Variants in FNBP4 observed in about 807,000 individuals in gnomAD.
The protein encoded by FNBP4 is formin binding protein 4, also known as formin-binding protein 4.
Under a neutral mutation model 119.3 loss-of-function variants are expected in FNBP4, and 34 were observed. The ratio of observed to expected loss-of-function variants is 0.28; its 90% CI spans 0.22 to 0.38. The LOEUF (loss-of-function observed/expected upper bound fraction) is 0.38, where lower values mean the gene tolerates loss of function less well. Ranked by LOEUF, FNBP4 falls within the 10% of genes least tolerant of loss-of-function variation. The pLI is 1.00. For synonymous variants in FNBP4, 462 were observed against 430.6 expected, an observed-to-expected ratio of 1.07 and a Z score of -0.90; for missense variants, 1,112 against 1,228.9, an observed-to-expected ratio of 0.90 and a Z score of 1.42.
At chr11:47,725,763 C>T (rs1036241984) in intron 12 of FNBP4, 74 of 980,644 alleles carry the variant, frequency 7.5e-5, no homozygotes, top group Non-Finnish European at 8.0e-5. Context: ...CCCTCTTTAT[C>T]GTCAATAGGG....
At chr11:47,737,756 T>C (rs1323573391) in intron 8 of FNBP4, among the ~76,000 whole-genome samples, 1 of 151,546 alleles carries the variant, frequency 6.6e-6, no homozygotes, top group Admixed American at 6.6e-5. Context: ...ATAATTTTTT[T>C]TTTTTCTGAG....
chr11:47,756,944 T>C (rs181860693), intron 2 of FNBP4, among the ~76,000 whole-genome samples: 27 of 152,324 alleles, frequency 1.8e-4, no homozygotes, highest in Admixed American at 1.3e-3. Flanking sequence ...CAGTCTATCA[T>C]TGATGGACAT....
chr11:47,742,894 A>T (rs1383015446), intron 8 of FNBP4, among the ~76,000 whole-genome samples: 1 of 152,142 alleles, frequency 6.6e-6, no homozygotes, highest in African/African-American at 2.4e-5. Context: ...CCGTCTCAAA[A>T]AATATAAATA....
At chr11:47,750,740 CAAGT>C (rs995242604) in intron 6 of FNBP4, among the ~76,000 whole-genome samples, 172 bp downstream of exon 6, 3 of 140,330 alleles carry the variant, frequency 2.1e-5, no homozygotes, top group Non-Finnish European at 4.6e-5. Flanking sequence ...AAGAAAAAGT[CAAGT>C]GAGTAACCGC....
chr11:47,747,489 T>C (rs1263682002), intron 6 of FNBP4, among the ~76,000 whole-genome samples: 1 of 152,072 alleles, frequency 6.6e-6, no homozygotes, highest in Non-Finnish European at 1.5e-5. Context: ...GTATTTTTAG[T>C]AGAGACAGGG....
At chr11:47,753,183 A>G in intron 3 of FNBP4, 81 bp from the exon 4 acceptor site, 1 of 1,197,510 alleles carries the variant, frequency 8.4e-7, no homozygotes, top group Non-Finnish European at 1.2e-6. Context: ...CTTTTTAAAA[A>G]TTCTACATGA....
rs930666790 is a variant in FNBP4 at position 47,750,990 on chromosome 11, A to G, written c.832T>C (p.Tyr278His). Reference protein sequence around the residue: ...ETSFVVNTDIYSKEKTISVSS... With the variant: ...ETSFVVNTDIHSKEKTISVSS... ...ACAGAAATCGTTTTCTCCTTAGAAT[A>G]TATGTCTGTATTTACCACAAAACTA... The change falls in exon 6 of 17, where the codon TAT (tyrosine) becomes CAT (histidine). Residue 278 changes from tyrosine (Y) to histidine (H), a missense_variant. This residue lies in a region of FNBP4 where 826 missense variants were observed against 988.8 expected (regional missense o/e 0.84). Coordinates refer to ENST00000263773, the MANE Select transcript of FNBP4 (RefSeq NM_015308.5). 6.2e-6 allele frequency: 10 copies of G among 1,613,922 alleles called. No homozygotes were observed. The African/African-American group carries it at 6.7e-5, about 11-fold the overall frequency.
chr11:47,765,399 G>GAAAAGAAAAGAAAAC, intron 1 of FNBP4, 37 bp from the exon 2 acceptor site: 2 of 1,345,964 alleles, frequency 1.5e-6, no homozygotes, highest in Admixed American at 2.1e-5. Context: ...GAAAAGAAAA[G>GAAAAGAAAAGAAAAC]AAAAGAAAAG....
Position 47,751,274 on chromosome 11 carries a change from G to T in FNBP4, c.654C>A (p.Gly218=). The T allele has an allele frequency of 4.3e-6, 7 of 1,613,760 alleles. No individual in the cohort carries two copies. The highest frequency in any genetic ancestry group is 5.9e-6 in the Non-Finnish European group (7 of 1,179,968). The change falls in exon 5 of 17, where the codon GGC becomes GGA. Residue 218 remains glycine (G), a synonymous_variant. Coordinates refer to ENST00000263773, the MANE Select transcript of FNBP4 (RefSeq NM_015308.5). ...CSLAGVGIEM[G]DWQEVWDENT... ...TCTCATCCCAGACTTCCTGCCAATC[G>T]CCCATCTCAATTCCGACTAGAAGAT...
Position 47,732,652 on chromosome 11 carries a change from G to A in FNBP4, c.1705C>T (p.Arg569Trp), listed in dbSNP as rs1374890464. Residue 569 changes from arginine (R) to tryptophan (W), a missense_variant, in exon 11 of 17, where the codon CGG becomes TGG. By Grantham distance (101) the Arg-to-Trp change is moderately radical (BLOSUM62 -3). Transcript: ENST00000263773. This position sits in a 1 kb window ranked among gnomAD's most constrained non-coding sequence, Gnocchi z 4.2. ...LQTETRIADW[R>W]EGALNGNYLK... ...TAGTTTCCATTAAGAGCCCCTTCCC[G>A]CCAGTCTGCAATTCGAGTCTAGAAT... 2 of 1,614,000 alleles carry A rather than the reference G, an allele frequency of 1.2e-6. No individual in the cohort carries two copies. The highest frequency in any genetic ancestry group is 1.7e-6 in the Non-Finnish European group (2 of 1,179,988).
intron 11 of FNBP4, chr11:47,731,975 T>C: frequency 1.0e-6 from 1 of 995,328 alleles, no homozygotes; most frequent in South Asian, 4.6e-5. Context: ...GGAATTCACA[T>C]TTCATATTCT....
intron 8 of FNBP4, among the ~76,000 whole-genome samples, chr11:47,741,998 C>T (rs1049255132): frequency 6.6e-6 from 1 of 152,068 alleles, no homozygotes; most frequent in African/African-American, 2.4e-5. Context: ...CTACACCACT[C>T]AGTTTTAACC....
intron 14 of FNBP4, among the ~76,000 whole-genome samples, chr11:47,723,583 CAG>C (rs1409286359): frequency 6.6e-6 from 1 of 152,114 alleles, no homozygotes; most frequent in Non-Finnish European, 1.5e-5. Flanking sequence ...GTTTTTGAGA[CAG>C]AGTTTTGCTC....
At chr11:47,755,830 A>G (rs2097616493) in intron 2 of FNBP4, among the ~76,000 whole-genome samples, 1 of 152,090 alleles carries the variant, frequency 6.6e-6, no homozygotes, top group Non-Finnish European at 1.5e-5. Context: ...ATCGAGAACA[A>G]GAAAATTAAT....
At chr11:47,739,199 T>C (rs1194690042) in intron 8 of FNBP4, among the ~76,000 whole-genome samples, 1 of 152,040 alleles carries the variant, frequency 6.6e-6, no homozygotes, top group East Asian at 1.9e-4. Flanking sequence ...CCCAGAATGC[T>C]GGGATTAAAG....
At chr11:47,765,246 G>A (rs776582873) in intron 2 of FNBP4, 24 bp downstream of exon 2, 31 of 1,536,418 alleles carry the variant, frequency 2.0e-5, no homozygotes, top group Non-Finnish European at 2.8e-5. Flanking sequence ...GAGAAAAAAT[G>A]TAAAAAACAA....
At position 47,767,293 on chromosome 11, in the gene FNBP4, A is replaced by C. The variant is rs1188254584; in HGVS notation, c.-5T>G. On this transcript the variant is annotated 5_prime_UTR_variant, in exon 1 of 17. Coordinates refer to ENST00000263773, the MANE Select transcript of FNBP4 (RefSeq NM_015308.5). Reference sequence around the variant, plus strand: ...CGCCCGGGACTTCTTCCCCATCGCGAGCCCAAGCGCGAGCAGAGAGCGTCG... The same window carrying C: ...CGCCCGGGACTTCTTCCCCATCGCGCGCCCAAGCGCGAGCAGAGAGCGTCG... 6.6e-7 allele frequency: 1 copy of C among 1,505,032 alleles called. No homozygotes were observed. The highest frequency in any genetic ancestry group is 1.3e-5 in the South Asian group (1 of 79,562). 93.2% of individuals were successfully genotyped at this position (1,505,032 alleles called of 1,614,324 possible).
At chr11:47,745,969 C>T in intron 7 of FNBP4, 87 bp downstream of exon 7, 1 of 1,194,012 alleles carries the variant, frequency 8.4e-7, no homozygotes, top group Non-Finnish European at 1.2e-6. Context: ...AAACAAAATC[C>T]CAATAATGGT....
chr11:47,755,478 T>TA (rs1177617355), intron 2 of FNBP4, among the ~76,000 whole-genome samples: 1 of 150,802 alleles, frequency 6.6e-6, no homozygotes, highest in East Asian at 1.9e-4. Context: ...AAATAAAAAA[T>TA]AAAAAAACAT....
Sources: gnomAD v4.1 joint callset for allele counts (sites outside exome capture counted in the v4.1 genomes callset) on GRCh38, gnomAD v4.1.1 for gene constraint, gnomAD v4.1.1 regional missense constraint, Gnocchi (gnomAD v3.1) non-coding constraint, MANE v1.5 for transcripts, NCBI Gene and HGNC (gene_info 2026-07-23, HGNC 2026-07-21) for gene names.